Variants in CAPN3 observed in about 807,000 individuals in gnomAD.
The protein encoded by CAPN3 is calpain-3.
Under a neutral mutation model 114.0 loss-of-function variants are expected in CAPN3, and 88 were observed. That is an observed-to-expected ratio of 0.77 (90% CI 0.65 to 0.92). CAPN3 has a LOEUF of 0.92. Among genes scored for constraint, CAPN3 ranks in the 40% least tolerant of loss-of-function variants. The probability of loss-of-function intolerance (pLI) is 0.00; values close to 1 mark genes in which losing one functional copy is unlikely to be tolerated. For synonymous variants in CAPN3, 386 were observed against 382.9 expected (o/e 1.01, Z -0.09); for missense variants, 1,028 against 1,069.0 (o/e 0.96, Z 0.53).
At chr15:42,387,085 G>A (rs2053426524) in intron 3 of CAPN3, among the ~76,000 whole-genome samples, 1 of 152,146 alleles carries the variant, frequency 6.6e-6, no homozygotes, top group East Asian at 1.9e-4. Context: ...ATATTTAAAG[G>A]GTCTCAGATC....
intron 1 of CAPN3, among the ~76,000 whole-genome samples, chr15:42,382,923 A>T (rs1184710127): frequency 6.6e-6 from 1 of 152,150 alleles, no homozygotes; most frequent in East Asian, 1.9e-4. Flanking sequence ...TTGGCTCTTA[A>T]TTATTTAAAA....
In CAPN3 at chr15:42,412,056, A is replaced by C. The variant is rs1172501024; in HGVS notation, c.*283A>C. ...TCTGGTCCGAGCCGCCTCGGTTCTGAAGCGAGTGCTCCTGCTTACCTTGCT... is the reference window on the plus strand; with the variant it reads ...TCTGGTCCGAGCCGCCTCGGTTCTGCAGCGAGTGCTCCTGCTTACCTTGCT... On this transcript the variant is annotated 3_prime_UTR_variant, in exon 24 of 24. Transcript: ENST00000397163. 6.5e-7 allele frequency: 1 copy of C among 1,528,548 alleles called. No individual in the cohort carries two copies. Among genetic ancestry groups the C allele is most frequent in the South Asian group, 1.2e-5 (1 of 82,988 alleles). The allele number at this position is 1,528,548 out of a possible 1,614,324, so 94.7% of individuals were successfully genotyped here.
chr15:42,402,587 C>A (rs1033817661), intron 12 of CAPN3: 32 of 1,496,272 alleles, frequency 2.1e-5, no homozygotes, highest in Non-Finnish European at 1.7e-5. Flanking sequence ...GGGGATGACA[C>A]ATTTGCCATT....
intron 1 of CAPN3, among the ~76,000 whole-genome samples, chr15:42,361,791 C>T (rs558337888): frequency 6.6e-6 from 1 of 152,372 alleles, no homozygotes; most frequent in Admixed American, 6.5e-5. Flanking sequence ...GATCCTGACA[C>T]ACCAGCAGTG....
chr15:42,397,167 T>C (rs923020660), intron 9 of CAPN3, among the ~76,000 whole-genome samples: 4 of 152,292 alleles, frequency 2.6e-5, no homozygotes, highest in South Asian at 2.1e-4. Context: ...GCACAATTCT[T>C]TTCTGAGCCT....
At chr15:42,393,974 C>G (rs925203690) in intron 7 of CAPN3, among the ~76,000 whole-genome samples, 2 of 152,146 alleles carry the variant, frequency 1.3e-5, no homozygotes, top group Non-Finnish European at 2.9e-5. Flanking sequence ...GCCTCACCTC[C>G]TCCCCCGAAG....
intron 3 of CAPN3, 53 bp downstream of exon 3, chr15:42,386,338 G>C: frequency 1.6e-6 from 2 of 1,267,818 alleles, no homozygotes; most frequent in Non-Finnish European, 2.3e-6. Context: ...ACCCACCGCT[G>C]GTCTCCTGGC....
In CAPN3 at chr15:42,410,907, T is replaced by C; in HGVS notation, c.2287T>C (p.Tyr763His). 1 of 1,614,058 alleles carries C rather than the reference T, an allele frequency of 6.2e-7. No homozygotes were observed. Among genetic ancestry groups the C allele is most frequent in the Non-Finnish European group, 8.5e-7 (1 of 1,179,860 alleles). ...DAGFHLNNQLYDIITMRYADK... is the reference protein window; with the variant it reads ...DAGFHLNNQLHDIITMRYADK... ...AGGATTCCACCTCAACAACCAGCTC[T>C]ATGACATCATTACCATGCGGTACGC... The change falls in exon 22 of 24, where the codon TAT becomes CAT. Residue 763 changes from tyrosine (Y) to histidine (H), a missense_variant. Tyr to His is a moderately conservative substitution (Grantham distance 83, BLOSUM62 2). Transcript: ENST00000397163.
At chr15:42,384,087 A>G (rs552649549) in intron 1 of CAPN3, among the ~76,000 whole-genome samples, 1 of 152,304 alleles carries the variant, frequency 6.6e-6, no homozygotes, top group East Asian at 1.9e-4. Flanking sequence ...ATGGAATACT[A>G]TCAGGAACAC....
chr15:42,401,777 C>G lies in CAPN3; in HGVS notation c.1491C>G (p.Ala497=). 6.2e-7 allele frequency: 1 copy of G among 1,613,984 alleles called. No individual in the cohort carries two copies. Residue 497 remains alanine, a synonymous_variant, in exon 11 of 24, where the codon GCC becomes GCG. Coordinates refer to ENST00000397163, the MANE Select transcript of CAPN3 (RefSeq NM_000070.3). Reference sequence around the variant, plus strand: ...GGCGGAAGGACCGGAAGCTAGGGGCCAGTCTCTTCACCATTGGCTTCGCCA... The same window carrying G: ...GGCGGAAGGACCGGAAGCTAGGGGCGAGTCTCTTCACCATTGGCTTCGCCA... ...KNRRKDRKLG[A]SLFTIGFAIY... is the part of the protein sequence containing the mutation.
chr15:42,405,211 T>C (rs2053983728), intron 14 of CAPN3, among the ~76,000 whole-genome samples: 1 of 152,206 alleles, frequency 6.6e-6, no homozygotes, highest in Admixed American at 6.5e-5. Context: ...GCTCAAAAAT[T>C]TTTAAAAAAT....
At chr15:42,378,938 G>A (rs757224725) in intron 1 of CAPN3, among the ~76,000 whole-genome samples, 5 of 152,054 alleles carry the variant, frequency 3.3e-5, no homozygotes, top group Non-Finnish European at 7.4e-5. Flanking sequence ...CAAATAATTT[G>A]GGATTTTTCA....
chr15:42,398,841 A>G (rs1188966873), intron 9 of CAPN3, among the ~76,000 whole-genome samples: 45 of 143,638 alleles, frequency 3.1e-4, no homozygotes, highest in African/African-American at 8.3e-4. Context: ...CTGGCATACA[A>G]TGGCGCAATA....
rs1444992531 is a variant in CAPN3, at chr15:42,392,080, G to A, written c.946-559G>A. ...CTCGGGAGGCTGAGGCAGGAGAATC[G>A]CTGGAACACGGGAGGCAGAGGTTGC... is the stretch of plus-strand genomic sequence containing the variant. On this transcript the variant is annotated intron_variant, in intron 6 of 23. Transcript: ENST00000397163. Among the ~76,000 whole-genome samples, 8 of 152,182 alleles carry A rather than the reference G, an allele frequency of 5.3e-5. 1 individual carries two copies. In the Middle Eastern group the frequency reaches 0.014, roughly 259 times the overall value.
intron 1 of CAPN3, among the ~76,000 whole-genome samples, chr15:42,384,145 G>A (rs1423531716): frequency 6.6e-6 from 1 of 152,044 alleles, no homozygotes; most frequent in Non-Finnish European, 1.5e-5. Context: ...CGGGCGCGGT[G>A]GCTCACATCT....
chr15:42,371,599 A>C (rs1383715094), intron 1 of CAPN3, among the ~76,000 whole-genome samples: 1 of 152,078 alleles, frequency 6.6e-6, no homozygotes, highest in Non-Finnish European at 1.5e-5. Flanking sequence ...CCTGGATACT[A>C]ATCCTTTCTT....
intron 7 of CAPN3, 122 bp downstream of exon 7, chr15:42,392,844 T>A: frequency 1.4e-6 from 1 of 723,750 alleles, no homozygotes; most frequent in Non-Finnish European, 2.4e-6. Context: ...GGACATTCAG[T>A]TCAAGGTCCA....
At chr15:42,405,262 A>G (rs999038807) in intron 14 of CAPN3, among the ~76,000 whole-genome samples, 2 of 152,188 alleles carry the variant, frequency 1.3e-5, no homozygotes, top group Non-Finnish European at 2.9e-5. Flanking sequence ...AGTTTGAGAG[A>G]GCCATGTTTT....
At chr15:42,366,833 T>TTC (rs1555418073) in intron 1 of CAPN3, among the ~76,000 whole-genome samples, 1 of 145,092 alleles carries the variant, frequency 6.9e-6, no homozygotes, top group Non-Finnish European at 1.5e-5. Flanking sequence ...TTTTTCTTTT[T>TTC]TTTTTTCTTT....
Sources: allele counts gnomAD v4.1 joint callset (sites outside exome capture counted in the v4.1 genomes callset), GRCh38; gene constraint gnomAD v4.1.1; transcripts MANE v1.5; gene names NCBI Gene and HGNC (gene_info 2026-07-23, HGNC 2026-07-21).